RAPGEF5: variants seen among roughly 807,000 people sequenced by gnomAD.
RAPGEF5 encodes the protein Rap guanine nucleotide exchange factor 5.
Under a neutral mutation model 125.2 loss-of-function variants are expected in RAPGEF5, and 65 were observed. The ratio of observed to expected loss-of-function variants is 0.52; its 90% CI spans 0.43 to 0.64. The LOEUF (loss-of-function observed/expected upper bound fraction) is 0.64, where lower values mean the gene tolerates loss of function less well. Ranked by LOEUF, RAPGEF5 falls within the 30% of genes least tolerant of loss-of-function variation. The pLI is 0.00. For missense variants in RAPGEF5, 958 were observed against 1,048.1 expected (o/e 0.91, Z 1.19); for synonymous variants, 391 against 385.9 (o/e 1.01, Z -0.16).
At position 22,156,957 on chromosome 7, in the gene RAPGEF5, C is replaced by A; in HGVS notation, c.1558-69G>T. On this transcript the variant is annotated intron_variant, in intron 15 of 25. Coordinates refer to ENST00000665637, the MANE Select transcript of RAPGEF5 (RefSeq NM_012294.5). Reference sequence around the variant, plus strand: ...CCCTTTGGAAAACCATAGCTGTTTACAATATGTTCCAAAAGAACTAGCCAA... The same window carrying A: ...CCCTTTGGAAAACCATAGCTGTTTAAAATATGTTCCAAAAGAACTAGCCAA... The A allele has an allele frequency of 5.1e-6, 8 of 1,578,218 alleles. No individual in the cohort carries two copies. The South Asian group carries it at 9.3e-5, about 18-fold the overall frequency.
At chr7:22,191,556 A>G (rs781768234) in intron 11 of RAPGEF5, 17 of 471,142 alleles carry the variant, frequency 3.6e-5, no homozygotes, top group African/African-American at 3.2e-4. Context: ...GGTTGGTGCT[A>G]GGAGAGTCAA....
At chr7:22,130,114 T>C (rs1478087390) in intron 24 of RAPGEF5, among the ~76,000 whole-genome samples, 1 of 152,178 alleles carries the variant, frequency 6.6e-6, no homozygotes, top group African/African-American at 2.4e-5. Context: ...TCCATCACCA[T>C]TACTGAAAAG....
chr7:22,244,469 T>A (rs1786425627), intron 7 of RAPGEF5, among the ~76,000 whole-genome samples: 1 of 151,936 alleles, frequency 6.6e-6, no homozygotes. Context: ...TGAACCCTAT[T>A]GTGAACTGCA....
rs539527108 is a variant in RAPGEF5 at position 22,255,109 on chromosome 7, A to G, written c.796+11855T>C. 7.2e-5 allele frequency among the ~76,000 whole-genome samples: 11 copies of G among 152,244 alleles called. No homozygotes were observed. The South Asian group carries it at 2.1e-3, about 29-fold the overall frequency. On this transcript the variant is annotated intron_variant, in intron 7 of 25. Coordinates refer to ENST00000665637, the MANE Select transcript of RAPGEF5 (RefSeq NM_012294.5). ...AGAGTTAGCAGGTTGTTGAAACCAT[A>G]TGCCCACCCCAAATGCCTATTTAAG... is the stretch of plus-strand genomic sequence containing the variant.
At chr7:22,124,048 A>G (rs1420361535) in intron 25 of RAPGEF5, among the ~76,000 whole-genome samples, 3 of 152,234 alleles carry the variant, frequency 2.0e-5, no homozygotes, top group Admixed American at 6.5e-5. Flanking sequence ...ATATTAGAAC[A>G]TCAACTGGCT....
intron 8 of RAPGEF5, among the ~76,000 whole-genome samples, chr7:22,225,854 A>G (rs1785904475): frequency 6.6e-6 from 1 of 152,258 alleles, no homozygotes; most frequent in South Asian, 2.1e-4. Context: ...AGTCTCCATA[A>G]TGTATAATTA....
intron 18 of RAPGEF5, 100 bp from the exon 19 acceptor site, chr7:22,147,119 A>T: frequency 7.0e-7 from 1 of 1,428,960 alleles, no homozygotes; most frequent in South Asian, 1.4e-5. Flanking sequence ...TTAGCAAAGT[A>T]ATCTTTTCTG....
At chr7:22,327,216 C>T (rs566935777) in intron 1 of RAPGEF5, among the ~76,000 whole-genome samples, 7 of 152,274 alleles carry the variant, frequency 4.6e-5, no homozygotes, top group Admixed American at 3.3e-4. Flanking sequence ...ACACTCTCTC[C>T]GCCTAGAATG....
chr7:22,222,199 T>A (rs1785808027), intron 8 of RAPGEF5, among the ~76,000 whole-genome samples: 2 of 152,048 alleles, frequency 1.3e-5, no homozygotes, highest in South Asian at 4.1e-4. Flanking sequence ...TGAGCTGAGA[T>A]CACGCCAGTG....
At chr7:22,233,416 A>T (rs1403641054) in intron 7 of RAPGEF5, among the ~76,000 whole-genome samples, 1 of 152,238 alleles carries the variant, frequency 6.6e-6, no homozygotes, top group Admixed American at 6.5e-5. Flanking sequence ...TAGCCTACTG[A>T]ATTCATGTTT....
At chr7:22,280,563 T>A (rs1782652819) in intron 6 of RAPGEF5, among the ~76,000 whole-genome samples, 1 of 152,138 alleles carries the variant, frequency 6.6e-6, no homozygotes, top group South Asian at 2.1e-4. Context: ...GCAAAAAGAT[T>A]CACCCAGGAG....
chr7:22,187,455 C>G lies in RAPGEF5; in HGVS notation c.1204+5912G>C, dbSNP rs547411596. ...TTTCTCCTTTCGTAAAACATTATTT[C>G]TCTCAGAAGCATTCTTGGCTGTGAA... On this transcript the variant is annotated intron_variant, in intron 11 of 25. Transcript: ENST00000665637. 2.0e-5 allele frequency among the ~76,000 whole-genome samples: 3 copies of G among 152,252 alleles called. No individual in the cohort carries two copies. In the South Asian group the frequency reaches 6.2e-4, roughly 32 times the overall value.
chr7:22,257,930 A>C (rs910080028), intron 7 of RAPGEF5, among the ~76,000 whole-genome samples: 5 of 152,234 alleles, frequency 3.3e-5, no homozygotes, highest in Non-Finnish European at 5.9e-5. Flanking sequence ...ATTCAAACTT[A>C]TACTGCAAGG....
intron 6 of RAPGEF5, among the ~76,000 whole-genome samples, chr7:22,281,371 C>T (rs1400539859): frequency 1.3e-5 from 2 of 152,132 alleles, no homozygotes; most frequent in Non-Finnish European, 2.9e-5. Flanking sequence ...GCCACCTCAT[C>T]GAGCTAATTT....
chr7:22,328,992 G>C (rs986668471), intron 1 of RAPGEF5, among the ~76,000 whole-genome samples: 28 of 152,116 alleles, frequency 1.8e-4, no homozygotes, highest in Admixed American at 1.1e-3. Flanking sequence ...GTCATATTCA[G>C]GTTCCAATTT....
intron 12 of RAPGEF5, chr7:22,162,963 A>G (rs1440222077): frequency 1.3e-5 from 6 of 457,698 alleles, no homozygotes; most frequent in South Asian, 9.3e-5. Context: ...AGAAATTCAC[A>G]TTCTGTAAAA....
At chr7:22,179,453 A>G (rs79425760) in intron 11 of RAPGEF5, among the ~76,000 whole-genome samples, 2,014 of 152,282 alleles carry the variant, frequency 0.013, 49 homozygotes, top group African/African-American at 0.047. Context: ...AGGATATCAG[A>G]GATAATCCAA....
chr7:22,312,692 C>A (rs1783501240), intron 3 of RAPGEF5, among the ~76,000 whole-genome samples: 2 of 152,242 alleles, frequency 1.3e-5, no homozygotes, highest in Non-Finnish European at 2.9e-5. Context: ...GCTCTCAGAG[C>A]AAACTACCAT....
intron 1 of RAPGEF5, among the ~76,000 whole-genome samples, chr7:22,325,214 C>T (rs1208022638): frequency 6.6e-6 from 1 of 152,182 alleles, no homozygotes; most frequent in Non-Finnish European, 1.5e-5. Context: ...GCCTCCTGGC[C>T]CCATTTGCAG....
Sources: gnomAD v4.1 joint callset for allele counts (sites outside exome capture counted in the v4.1 genomes callset) on GRCh38, gnomAD v4.1.1 for gene constraint, MANE v1.5 for transcripts, NCBI Gene and HGNC (gene_info 2026-07-23, HGNC 2026-07-21) for gene names.